The following SYAP1 variants were observed in gnomAD, a reference collection of about 807,000 sequenced individuals.
SYAP1 encodes synapse-associated protein 1.
Under a neutral mutation model 29.6 loss-of-function variants are expected in SYAP1, and 3 were observed. The ratio of observed to expected loss-of-function variants is 0.10; its 90% CI spans 0.05 to 0.26. The LOEUF (loss-of-function observed/expected upper bound fraction) is 0.26, where lower values mean the gene tolerates loss of function less well. Ranked by LOEUF, SYAP1 falls within the 10% of genes least tolerant of loss-of-function variation. SYAP1 has a pLI of 1.00. For synonymous variants in SYAP1, 102 were observed against 102.7 expected (o/e 0.99, Z 0.04); for missense variants, 217 against 264.1 (o/e 0.82, Z 1.24).
intron 4 of SYAP1, among the ~76,000 whole-genome samples, chrX:16,743,489 C>A (rs1926520577): frequency 9.2e-6 from 1 of 108,742 alleles, no homozygotes; most frequent in Non-Finnish European, 1.9e-5. Flanking sequence ...CAAAAATTAG[C>A]CAGGCGCAGT....
intron 5 of SYAP1, among the ~76,000 whole-genome samples, chrX:16,746,209 A>T (rs1200897951): frequency 1.9e-5 from 2 of 107,750 alleles, no homozygotes; most frequent in Non-Finnish European, 3.8e-5. Context: ...TCTCATTAGA[A>T]ATTTCATCTT....
chrX:16,736,458 G>T, intron 3 of SYAP1: 1 of 334,908 alleles, frequency 3.0e-6, no homozygotes, highest in Admixed American at 5.1e-5. Context: ...CCCCACTGGG[G>T]AGCTGGCTGT....
intron 5 of SYAP1, among the ~76,000 whole-genome samples, chrX:16,754,509 C>T (rs925215770): frequency 1.5e-4 from 17 of 111,512 alleles, no homozygotes; most frequent in African/African-American, 5.2e-4. Flanking sequence ...GCGGGCAGAT[C>T]ATGAGGTCAG....
At position 16,720,001 on chromosome X, in the gene SYAP1, AGGTGGGAGGCAGGGGAGGAAGATGTGTCT is replaced by A. The variant is rs755520584; in HGVS notation, c.175+104_175+132del. The A allele has an allele frequency of 4.7e-4, 399 of 840,645 alleles. No individual in the cohort carries two copies. The African/African-American group carries it at 7.6e-3, about 16-fold the overall frequency. The allele number at this position is 840,645 out of a possible 1,213,427, so 69.3% of individuals were successfully genotyped here. ...GACTGGCTGGGGGATGAGGGGGCCG[AGGTGGGAGGCAGGGGAGGAAGATGTGTCT>A]GTCGGTCAGTCCTCTCCGGGTCGGG... On this transcript the variant is annotated intron_variant, in intron 1 of 8. Transcript: ENST00000380155.
chrX:16,759,507 A>C (rs969349513), intron 8 of SYAP1, among the ~76,000 whole-genome samples: 4 of 112,098 alleles, frequency 3.6e-5, no homozygotes, highest in Admixed American at 2.9e-4. Flanking sequence ...AGAAAGTTGC[A>C]GGTCTAAATC....
At chrX:16,753,962 C>T (rs760946667) in intron 5 of SYAP1, among the ~76,000 whole-genome samples, 1 of 110,912 alleles carries the variant, frequency 9.0e-6, no homozygotes, top group Admixed American at 9.7e-5. Flanking sequence ...AGGCCACCCC[C>T]CTGTGTGGAC....
chrX:16,730,898 A>G (rs999708527), intron 1 of SYAP1, among the ~76,000 whole-genome samples: 5 of 112,471 alleles, frequency 4.4e-5, no homozygotes, highest in Non-Finnish European at 5.6e-5. Context: ...CTAGAATCTA[A>G]TGCTACAAAA....
intron 1 of SYAP1, 113 bp from the exon 2 acceptor site, chrX:16,735,114 G>A: frequency 2.5e-6 from 1 of 392,422 alleles, no homozygotes; most frequent in Non-Finnish European, 4.3e-6. Context: ...CTCATTACTT[G>A]TTTCAGGTCC....
intron 1 of SYAP1, among the ~76,000 whole-genome samples, chrX:16,733,098 A>G (rs1926245456): frequency 8.9e-6 from 1 of 111,761 alleles, no homozygotes; most frequent in Non-Finnish European, 1.9e-5. Flanking sequence ...AAGAGAGAGC[A>G]GACAAAAATG....
At chrX:16,743,638 A>T (rs1926527138) in intron 4 of SYAP1, 63 bp from the exon 5 acceptor site, 2 of 1,144,873 alleles carry the variant, frequency 1.7e-6, no homozygotes, top group African/African-American at 3.6e-5. Flanking sequence ...AAAAAAAAAA[A>T]AATTGTTATC....
chrX:16,758,791 T>C (rs1005438855), intron 8 of SYAP1, among the ~76,000 whole-genome samples: 6 of 111,369 alleles, frequency 5.4e-5, no homozygotes, highest in African/African-American at 1.6e-4. Flanking sequence ...AATTGGTGGC[T>C]TCCTGCACAA....
rs763593613 is a variant in SYAP1 at position 16,735,344 on chromosome X, A to G, written c.293A>G (p.Lys98Arg). 9.2e-7 allele frequency: 1 copy of G among 1,081,609 alleles called. No homozygotes were observed. The highest frequency in any genetic ancestry group is 1.3e-6 in the Non-Finnish European group (1 of 791,582). 89.1% of individuals were successfully genotyped at this position (1,081,609 alleles called of 1,213,427 possible). Reference protein sequence around the residue: ...EEGKIDGIIDKTIIGDFQKEQ... With the variant: ...EEGKIDGIIDRTIIGDFQKEQ... Reference sequence around the variant, plus strand: ...GGAAAAATAGATGGCATCATTGACAAGGTATATTCAATTATCTTTTGGAAG... The same window carrying G: ...GGAAAAATAGATGGCATCATTGACAGGGTATATTCAATTATCTTTTGGAAG... The change falls in exon 2 of 9, where the codon AAG becomes AGG. Residue 98 changes from lysine to arginine, a missense_variant and splice_region_variant. Physicochemically the swap from Lys to Arg is conservative, Grantham distance 26. Coordinates refer to ENST00000380155, the MANE Select transcript of SYAP1 (RefSeq NM_032796.4).
intron 1 of SYAP1, among the ~76,000 whole-genome samples, chrX:16,723,483 G>A (rs751592801): frequency 1.3e-4 from 14 of 111,543 alleles, no homozygotes; most frequent in Non-Finnish European, 2.1e-4. Context: ...AATGACTAGA[G>A]AAGTGAGAAG....
intron 8 of SYAP1, among the ~76,000 whole-genome samples, 194 bp downstream of exon 8, chrX:16,757,503 G>A (rs35688589): frequency 0.01 from 1,119 of 110,410 alleles, 3 homozygotes; most frequent in Middle Eastern, 0.019. Flanking sequence ...GGCAGATCAC[G>A]AGGTCAGGAG....
At chrX:16,730,269 G>A (rs763185820) in intron 1 of SYAP1, among the ~76,000 whole-genome samples, 289 of 112,294 alleles carry the variant, frequency 2.6e-3, no homozygotes, top group Non-Finnish European at 4.8e-3. Context: ...CAGGAGAATC[G>A]CTTGAAACCA....
rs756203109 is a variant in SYAP1, at chrX:16,719,800, C to T, written c.76C>T (p.Pro26Ser). ...CGGTGGGCAGCCCAATGGAGATGCT[C>T]CACCCGAGCAGCCGTCCGAGACGGT... is the stretch of plus-strand genomic sequence containing the variant. Reference protein sequence around the residue: ...AGGGQPNGDAPPEQPSETVAE... With the variant: ...AGGGQPNGDASPEQPSETVAE... The change falls in exon 1 of 9, where the codon CCA becomes TCA. Residue 26 changes from proline (P) to serine (S), a missense_variant. Coordinates refer to ENST00000380155, the MANE Select transcript of SYAP1 (RefSeq NM_032796.4). 2 of 1,200,058 alleles carry T rather than the reference C, an allele frequency of 1.7e-6. No individual in the cohort carries two copies. The highest frequency in any genetic ancestry group is 1.8e-5 in the South Asian group (1 of 55,266).
chrX:16,748,760 CTTT>C (rs146948101), intron 5 of SYAP1, among the ~76,000 whole-genome samples: 1 of 93,956 alleles, frequency 1.1e-5, no homozygotes, highest in African/African-American at 3.9e-5. Flanking sequence ...TTTTTTTTTT[CTTT>C]TTTTTTTTTG....
chrX:16,720,016 G>T, intron 1 of SYAP1, 117 bp downstream of exon 1: 1 of 741,828 alleles, frequency 1.3e-6, no homozygotes, highest in South Asian at 2.6e-5. Context: ...GGAGGCAGGG[G>T]AGGAAGATGT....
Position 16,719,761 on chromosome X carries a change from C to A in SYAP1, c.37C>A (p.Gln13Lys). ...RGLSSWLGLQ[Q>K]PVAGGGQPNG... Reference sequence around the variant, plus strand: ...CTTGAGCAGTTGGTTGGGCTTGCAGCAGCCGGTGGCAGGCGGTGGGCAGCC... The same window carrying A: ...CTTGAGCAGTTGGTTGGGCTTGCAGAAGCCGGTGGCAGGCGGTGGGCAGCC... Residue 13 changes from glutamine (Q) to lysine (K), a missense_variant, in exon 1 of 9, where the codon CAG (glutamine) becomes AAG (lysine). Transcript: ENST00000380155. 1 of 1,205,326 alleles carries A rather than the reference C, an allele frequency of 8.3e-7. No homozygotes were observed. The highest frequency in any genetic ancestry group is 2.2e-5 in the Admixed American group (1 of 45,461).
Sources: gnomAD v4.1 joint callset for allele counts (sites outside exome capture counted in the v4.1 genomes callset) on GRCh38, gnomAD v4.1.1 for gene constraint, MANE v1.5 for transcripts, NCBI Gene and HGNC (gene_info 2026-07-23, HGNC 2026-07-21) for gene names.